PARP2: variants seen among roughly 807,000 people sequenced by gnomAD.
PARP2 encodes the protein poly(ADP-ribose) polymerase 2.
Under a neutral mutation model 77.8 loss-of-function variants are expected in PARP2, and 57 were observed. That is an observed-to-expected ratio of 0.73 (90% CI 0.59 to 0.91). The LOEUF (loss-of-function observed/expected upper bound fraction) is 0.91, where lower values mean the gene tolerates loss of function less well. PARP2 is among the 40% of genes least tolerant of loss of function. The pLI is 0.00. For synonymous variants in PARP2, 226 were observed against 242.6 expected (o/e 0.93, Z 0.64); for missense variants, 651 against 689.0 (o/e 0.94, Z 0.62).
At position 20,354,113 on chromosome 14, in the gene PARP2, C is replaced by G. The variant is rs762193060; in HGVS notation, c.629C>G (p.Ser210Cys). The change falls in exon 8 of 16, where the codon TCT (serine) becomes TGT (cysteine). Residue 210 changes from serine (S) to cysteine (C), a missense_variant. Ser to Cys is a moderately radical substitution (Grantham distance 112). Transcript: ENST00000429687. ...GAAGAGGAAACAAAGAAAGAGGAAT[C>G]TCTTAAATCTCCCTTGAAGCCAGAG... is the stretch of plus-strand genomic sequence containing the variant. ...QDEEETKKEE[S>C]LKSPLKPESQ... 1 of 1,613,066 alleles carries G rather than the reference C, an allele frequency of 6.2e-7. No individual in the cohort carries two copies. Among genetic ancestry groups the G allele is most frequent in the South Asian group, 1.1e-5 (1 of 91,036 alleles).
chr14:20,345,284 G>C, intron 2 of PARP2, 110 bp from the exon 3 acceptor site: 1 of 1,106,284 alleles, frequency 9.0e-7, no homozygotes, highest in Non-Finnish European at 1.3e-6. Flanking sequence ...TGGGGTCTAA[G>C]GAAAGACCAG....
chr14:20,353,737 C>T (rs1447862812), intron 7 of PARP2, among the ~76,000 whole-genome samples: 1 of 152,098 alleles, frequency 6.6e-6, no homozygotes, highest in Non-Finnish European at 1.5e-5. Flanking sequence ...AAGTTTTAGT[C>T]TTTTTTAAGA....
intron 4 of PARP2, among the ~76,000 whole-genome samples, chr14:20,348,552 T>A (rs1020550485): frequency 2.6e-5 from 4 of 152,178 alleles, no homozygotes; most frequent in African/African-American, 9.6e-5. Flanking sequence ...ATCAACCTTT[T>A]TCTCTTGTTT....
rs1450750305 is a variant in PARP2, at chr14:20,345,477, G to A, written c.273+13G>A. 1.9e-6 allele frequency: 3 copies of A among 1,602,264 alleles called. No individual in the cohort carries two copies. The South Asian group carries it at 3.3e-5, about 18-fold the overall frequency. On this transcript the variant is annotated intron_variant, in intron 3 of 15. Transcript: ENST00000429687. Reference sequence around the variant, plus strand: ...CAAGGTGGGGAAGGTAAGAGACTCTGGAACCGATCTTCAGTCCATGGATAT... The same window carrying A: ...CAAGGTGGGGAAGGTAAGAGACTCTAGAACCGATCTTCAGTCCATGGATAT...
At chr14:20,350,088 A>G (rs957837651) in intron 4 of PARP2, among the ~76,000 whole-genome samples, 3 of 152,228 alleles carry the variant, frequency 2.0e-5, no homozygotes, top group African/African-American at 7.2e-5. Context: ...TGTGAGTAGA[A>G]CTGTCAAGGA....
At position 20,354,795 on chromosome 14, in the gene PARP2, G is replaced by C. The variant is rs755919869; in HGVS notation, c.764-14G>C. 1 of 1,606,498 alleles carries C rather than the reference G, an allele frequency of 6.2e-7. No homozygotes were observed. Among genetic ancestry groups the C allele is most frequent in the Non-Finnish European group, 8.5e-7 (1 of 1,176,624 alleles). ...GATCCTAGTTTGGAGTCTGATCTCTGGGTGGGCCTGCAGGGAAGCTGACAG... is the reference window on the plus strand; with the variant it reads ...GATCCTAGTTTGGAGTCTGATCTCTCGGTGGGCCTGCAGGGAAGCTGACAG... On this transcript the variant is annotated splice_polypyrimidine_tract_variant and intron_variant, in intron 8 of 15. Transcript: ENST00000429687.
intron 11 of PARP2, 77 bp downstream of exon 11, chr14:20,356,108 T>A: frequency 4.6e-6 from 7 of 1,531,860 alleles, no homozygotes; most frequent in South Asian, 1.2e-5. Flanking sequence ...TCTAACTACT[T>A]CTTGTCAAGA....
intron 4 of PARP2, among the ~76,000 whole-genome samples, chr14:20,349,908 T>G (rs1883897164): frequency 6.6e-6 from 1 of 152,196 alleles, no homozygotes; most frequent in African/African-American, 2.4e-5. Context: ...AGTGATTTAC[T>G]TACAGATACC....
At chr14:20,356,129 A>G in intron 11 of PARP2, 98 bp downstream of exon 11, 1 of 1,473,296 alleles carries the variant, frequency 6.8e-7, no homozygotes, top group Admixed American at 2.0e-5. Flanking sequence ...GCAAATTGTC[A>G]ATTAGGGCAG....
intron 4 of PARP2, among the ~76,000 whole-genome samples, chr14:20,349,899 G>A (rs1011584896): frequency 1.2e-4 from 18 of 152,152 alleles, no homozygotes; most frequent in African/African-American, 4.3e-4. Flanking sequence ...TTCACTCTGA[G>A]TGATTTACTT....
At chr14:20,344,022 T>C (rs1205727484) in intron 1 of PARP2, among the ~76,000 whole-genome samples, 1 of 152,220 alleles carries the variant, frequency 6.6e-6, no homozygotes, top group Non-Finnish European at 1.5e-5. Flanking sequence ...GATTCACTGC[T>C]TATGTCATCC....
intron 13 of PARP2, 74 bp from the exon 14 acceptor site, chr14:20,356,975 CAG>C (rs1884178190): frequency 1.1e-6 from 1 of 921,480 alleles, no homozygotes; most frequent in Non-Finnish European, 1.8e-6. Flanking sequence ...AATGGAAAAA[CAG>C]GGTCAGTGGT....
chr14:20,356,569 A>G (rs1340158623), intron 12 of PARP2, 21 bp from the exon 13 acceptor site: 2 of 1,608,944 alleles, frequency 1.2e-6, no homozygotes, highest in Non-Finnish European at 1.7e-6. Flanking sequence ...ACAGAGTACA[A>G]TAATATTGGC....
At chr14:20,347,384 A>G (rs565939173) in intron 4 of PARP2, among the ~76,000 whole-genome samples, 69 of 15,148 alleles carry the variant, frequency 4.6e-3, no homozygotes, top group African/African-American at 9.5e-3. Context: ...ATATATATAT[A>G]TATATATATA....
In PARP2 at chr14:20,345,051, A is replaced by G. The variant is rs760368901; in HGVS notation, c.166A>G (p.Lys56Glu). 1 of 1,614,160 alleles carries G rather than the reference A, an allele frequency of 6.2e-7. No individual in the cohort carries two copies. Among genetic ancestry groups the G allele is most frequent in the South Asian group, 1.1e-5 (1 of 91,086 alleles). ...GAAAAAGATGCCTGTGGCTGGAGGA[A>G]AAGCTAATAAGGACAGGACAGAAGA... ...ESKKMPVAGG[K>E]ANKDRTEDKQ... Residue 56 changes from lysine to glutamate, a missense_variant, in exon 2 of 16, where the codon AAA becomes GAA. Transcript: ENST00000429687.
chr14:20,345,349 C>T (rs944522712), intron 2 of PARP2, 45 bp from the exon 3 acceptor site: 5 of 1,496,566 alleles, frequency 3.3e-6, no homozygotes, highest in African/African-American at 1.4e-5. Context: ...ACCACAACAG[C>T]TGTTTTTGAT....
chr14:20,356,567 C>T (rs748249652), intron 12 of PARP2, 23 bp from the exon 13 acceptor site: 1 of 1,606,342 alleles, frequency 6.2e-7, no homozygotes, highest in Non-Finnish European at 8.5e-7. Flanking sequence ...CAACAGAGTA[C>T]AATAATATTG....
intron 8 of PARP2, 64 bp from the exon 9 acceptor site, chr14:20,354,745 A>T (rs1884080394): frequency 1.4e-6 from 2 of 1,444,120 alleles, no homozygotes; most frequent in Admixed American, 2.4e-5. Flanking sequence ...TTAGGGAAGG[A>T]TGTTAAGTAC....
intron 4 of PARP2, among the ~76,000 whole-genome samples, chr14:20,347,362 A>C (rs764087734): frequency 1.2e-4 from 1 of 8,242 alleles, no homozygotes; most frequent in Non-Finnish European, 2.0e-4. Context: ...GTGTGTATAT[A>C]TATATATATA....
Sources: allele counts gnomAD v4.1 joint callset (sites outside exome capture counted in the v4.1 genomes callset), GRCh38; gene constraint gnomAD v4.1.1; transcripts MANE v1.5; gene names NCBI Gene and HGNC (gene_info 2026-07-23, HGNC 2026-07-21).